The following TAF3 variants were observed in gnomAD, a reference collection of about 807,000 sequenced individuals.
TAF3 encodes transcription initiation factor TFIID subunit 3.
A neutral mutation model predicts 80.6 loss-of-function variants in TAF3; 7 were observed. That is an observed-to-expected ratio of 0.09 (90% confidence interval 0.05 to 0.16). The LOEUF (loss-of-function observed/expected upper bound fraction) is 0.16, where lower values mean the gene tolerates loss of function less well. Ranked by LOEUF, TAF3 falls within the 10% of genes least tolerant of loss-of-function variation. TAF3 has a pLI of 1.00. For synonymous variants in TAF3, 444 were observed against 446.1 expected, an observed-to-expected ratio of 1.00 and a Z score of 0.06; for missense variants, 921 against 1,140.2, an observed-to-expected ratio of 0.81 and a Z score of 2.77.
At chr10:7,835,189 C>A (rs575037346) in intron 2 of TAF3, among the ~76,000 whole-genome samples, 4 of 152,264 alleles carry the variant, frequency 2.6e-5, no homozygotes, top group African/African-American at 9.6e-5. Context: ...ACATAAAATA[C>A]ACTAACACCA....
At chr10:7,873,895 T>C (rs1331411576) in intron 2 of TAF3, among the ~76,000 whole-genome samples, 3 of 152,216 alleles carry the variant, frequency 2.0e-5, no homozygotes, top group South Asian at 2.1e-4. Context: ...GGCACATTTG[T>C]ATTGAGCACT....
chr10:7,842,148 A>ATTGTTT (rs1836921081), intron 2 of TAF3, among the ~76,000 whole-genome samples: 2 of 106,320 alleles, frequency 1.9e-5, no homozygotes, highest in African/African-American at 6.9e-5. Flanking sequence ...TTGAATTAAT[A>ATTGTTT]TTGTTTTTTT....
At chr10:7,948,962 C>T (rs937204435) in intron 2 of TAF3, among the ~76,000 whole-genome samples, 2 of 152,220 alleles carry the variant, frequency 1.3e-5, no homozygotes, top group Non-Finnish European at 2.9e-5. Context: ...GAACAGCTTC[C>T]TCAGAGGGAC....
At chr10:7,953,303 A>G (rs1378186612) in intron 2 of TAF3, among the ~76,000 whole-genome samples, 4 of 152,236 alleles carry the variant, frequency 2.6e-5, no homozygotes, top group Non-Finnish European at 5.9e-5. Flanking sequence ...AAACACATAA[A>G]TCAAGTGGTA....
At chr10:7,846,238 T>C (rs961519353) in intron 2 of TAF3, among the ~76,000 whole-genome samples, 12 of 152,230 alleles carry the variant, frequency 7.9e-5, no homozygotes, top group African/African-American at 2.9e-4. Context: ...ATTACAGGCA[T>C]GAGCCACTGC....
intron 4 of TAF3, among the ~76,000 whole-genome samples, chr10:8,008,142 G>T (rs763888317): frequency 9.0e-5 from 12 of 133,138 alleles, no homozygotes; most frequent in Non-Finnish European, 1.8e-4. Flanking sequence ...TGTAGCCCAA[G>T]CTAGAGTGCA....
At chr10:7,908,348 G>GT (rs1245920287) in intron 2 of TAF3, among the ~76,000 whole-genome samples, 4 of 152,186 alleles carry the variant, frequency 2.6e-5, no homozygotes, top group Admixed American at 2.6e-4. Flanking sequence ...ATGTTGCCAG[G>GT]TTTTTCCATT....
chr10:7,861,395 C>T (rs545034470), intron 2 of TAF3, among the ~76,000 whole-genome samples: 29 of 152,144 alleles, frequency 1.9e-4, no homozygotes, highest in African/African-American at 5.5e-4. Flanking sequence ...CATGAGCCAC[C>T]GCACCCAGCC....
intron 2 of TAF3, among the ~76,000 whole-genome samples, chr10:7,831,954 T>C (rs114112198): frequency 0.029 from 4,412 of 152,218 alleles, 91 homozygotes; most frequent in South Asian, 0.088. Context: ...TGCAAAGCGA[T>C]GTTATGTTTT....
intron 2 of TAF3, among the ~76,000 whole-genome samples, chr10:7,887,726 C>T (rs962063032): frequency 3.3e-5 from 5 of 151,628 alleles, no homozygotes; most frequent in East Asian, 3.8e-4. Flanking sequence ...AAGCTAAAAT[C>T]GGGGGGGATA....
At chr10:8,006,198 A>ACG (rs1308811293) in intron 4 of TAF3, among the ~76,000 whole-genome samples, 29 of 150,758 alleles carry the variant, frequency 1.9e-4, no homozygotes, top group Non-Finnish European at 2.4e-4. Flanking sequence ...ACACACACAC[A>ACG]CACACACACA....
chr10:7,853,712 A>G (rs1837050995), intron 2 of TAF3, among the ~76,000 whole-genome samples: 2 of 152,208 alleles, frequency 1.3e-5, no homozygotes, highest in South Asian at 2.1e-4. Flanking sequence ...ATCTCTTTCC[A>G]TATTATGGGT....
rs1554779060 is a variant in TAF3 at position 7,873,615 on chromosome 10, T to TCTC, written c.409+49057_409+49059dup. Among the ~76,000 whole-genome samples, 56 of 54,502 alleles carry TCTC rather than the reference T, an allele frequency of 1.0e-3. 3 individuals are homozygous for TCTC. The East Asian group carries it at 0.022, about 21-fold the overall frequency. The allele number at this position is 54,502 out of a possible 152,430, so 35.8% of individuals were successfully genotyped here. A position where few individuals can be genotyped will look rare whatever the true frequency, so the allele number is the denominator to read the frequency against. ...TGTCCCCAAGGGAAGACATCCGAGTTCTCCCCCCCCCCCCGTCAAAAGGGG... is the reference window on the plus strand; with the variant it reads ...TGTCCCCAAGGGAAGACATCCGAGTTCTCCTCCCCCCCCCCCCGTCAAAAGGGG... On this transcript the variant is annotated intron_variant, in intron 2 of 6. Transcript: ENST00000344293.
chr10:7,959,320 T>C (rs955399496), intron 2 of TAF3, among the ~76,000 whole-genome samples: 1 of 152,212 alleles, frequency 6.6e-6, no homozygotes, highest in Non-Finnish European at 1.5e-5. Context: ...CTAAAAAAAA[T>C]CTATTTTAAA....
At chr10:7,992,313 C>A (rs1186042788) in intron 4 of TAF3, among the ~76,000 whole-genome samples, 2 of 152,196 alleles carry the variant, frequency 1.3e-5, no homozygotes, top group Non-Finnish European at 2.9e-5. Context: ...AAAAGTTGAT[C>A]TGCATTTAAC....
rs540396699 is a variant in TAF3, at chr10:7,975,493, A to G, written c.2233-1748A>G. 7.9e-5 allele frequency among the ~76,000 whole-genome samples: 12 copies of G among 152,342 alleles called. No individual in the cohort carries two copies. The East Asian group carries it at 1.2e-3, about 15-fold the overall frequency. ...TAAACAGCTAGTATTGGAGGCATAC[A>G]TGAAGCTGGAATTAAAAATGTTCTT... On this transcript the variant is annotated intron_variant, in intron 3 of 6. Transcript: ENST00000344293.
chr10:7,930,830 A>G (rs2131197099), intron 2 of TAF3, among the ~76,000 whole-genome samples: 1 of 152,004 alleles, frequency 6.6e-6, no homozygotes, highest in East Asian at 1.9e-4. Context: ...TATCTATAAT[A>G]TATATTTTTT....
chr10:7,821,330 G>A (rs1030673842), intron 1 of TAF3, among the ~76,000 whole-genome samples: 1 of 151,976 alleles, frequency 6.6e-6, no homozygotes, highest in Non-Finnish European at 1.5e-5. Context: ...TACCACTATG[G>A]AATCTTGTAT....
intron 2 of TAF3, among the ~76,000 whole-genome samples, chr10:7,875,650 T>G (rs1837306337): frequency 6.6e-6 from 1 of 152,164 alleles, no homozygotes; most frequent in South Asian, 2.1e-4. Context: ...AATGCAATAT[T>G]AAGAAAATTA....
Sources: allele counts gnomAD v4.1 joint callset (sites outside exome capture counted in the v4.1 genomes callset), GRCh38; gene constraint gnomAD v4.1.1; transcripts MANE v1.5; gene names NCBI Gene and HGNC (gene_info 2026-07-23, HGNC 2026-07-21).